Variants in ACOT7 observed in about 807,000 individuals in gnomAD.
The protein encoded by ACOT7 is acyl-CoA thioesterase 7.
In ACOT7, 12 loss-of-function variants were observed where a neutral mutation model predicts 40.2. That is an observed-to-expected ratio of 0.30 (90% CI 0.19 to 0.48). The LOEUF (loss-of-function observed/expected upper bound fraction) is 0.48, where lower values mean the gene tolerates loss of function less well. ACOT7 is among the 20% of genes least tolerant of loss of function. ACOT7 has a pLI of 0.99. For missense variants in ACOT7, 395 were observed against 530.8 expected, an observed-to-expected ratio of 0.74 and a Z score of 2.51; for synonymous variants, 228 against 219.5, an observed-to-expected ratio of 1.04 and a Z score of -0.34.
At chr1:6,312,695 T>G (rs1409979399) in intron 6 of ACOT7, among the ~76,000 whole-genome samples, 1 of 152,208 alleles carries the variant, frequency 6.6e-6, no homozygotes, top group African/African-American at 2.4e-5. Context: ...CTCAAACTCC[T>G]GACCTCAAGT....
intron 7 of ACOT7, among the ~76,000 whole-genome samples, chr1:6,285,350 A>G (rs1051114421): frequency 7.9e-5 from 12 of 152,286 alleles, no homozygotes; most frequent in Admixed American, 7.8e-4. Flanking sequence ...ACTTCCTTCC[A>G]GTCTCAACTT....
chr1:6,270,072 G>A (rs541912485), intron 8 of ACOT7, among the ~76,000 whole-genome samples: 5 of 152,226 alleles, frequency 3.3e-5, no homozygotes, highest in Non-Finnish European at 7.3e-5. Context: ...CGGGCTCACT[G>A]CTGGTGGGCA....
chr1:6,264,769 GGGGCCCTGCCCCCCACCCGT>G, intron 8 of ACOT7, 74 bp from the exon 9 acceptor site: 1 of 1,490,564 alleles, frequency 6.7e-7, no homozygotes, highest in Admixed American at 1.8e-5. Flanking sequence ...GACCTGGCCT[GGGGCCCTGCCCCCCACCCGT>G]GGGATCTGCC....
chr1:6,318,402 C>T (rs1640554105), intron 6 of ACOT7, 90 bp downstream of exon 6: 3 of 1,398,246 alleles, frequency 2.1e-6, no homozygotes, highest in Middle Eastern at 1.8e-4. Flanking sequence ...ACACAAGAGC[C>T]TCAAGTGTGT....
rs533072146 is a variant in ACOT7, at chr1:6,361,458, C to G, written c.144-11592G>C. Among the ~76,000 whole-genome samples the G allele has an allele frequency of 1.1e-4, 17 of 152,186 alleles. No homozygotes were observed. In the East Asian group the frequency reaches 2.9e-3, roughly 26 times the overall value. ...TAAGGTTCACGCAGAATTGTACAAT[C>G]AAAAAGGGTAGACTCAATAGAGTTA... is the stretch of plus-strand genomic sequence containing the variant. On this transcript the variant is annotated intron_variant, in intron 1 of 8. Coordinates refer to ENST00000361521, the MANE Select transcript of ACOT7 (RefSeq NM_007274.4).
At chr1:6,292,665 GT>G (rs150589690) in intron 7 of ACOT7, among the ~76,000 whole-genome samples, 75 of 140,096 alleles carry the variant, frequency 5.4e-4, no homozygotes, top group Admixed American at 2.6e-3. Context: ...TGGGGACTTT[GT>G]TTTTTTTTTG....
chr1:6,346,614 T>G (rs923766903), intron 2 of ACOT7, among the ~76,000 whole-genome samples: 1 of 152,120 alleles, frequency 6.6e-6, no homozygotes, highest in Non-Finnish European at 1.5e-5. Flanking sequence ...AAACAGGAGA[T>G]CTGGAGGGCT....
At chr1:6,285,950 C>T (rs1327071895) in intron 7 of ACOT7, among the ~76,000 whole-genome samples, 10 of 152,166 alleles carry the variant, frequency 6.6e-5, no homozygotes, top group Non-Finnish European at 1.5e-4. Context: ...TGGGACATTG[C>T]GGGGCCCATC....
At chr1:6,313,150 G>A (rs989991372) in intron 6 of ACOT7, among the ~76,000 whole-genome samples, 2 of 152,218 alleles carry the variant, frequency 1.3e-5, no homozygotes, top group African/African-American at 2.4e-5. Flanking sequence ...GGTGGTGTCT[G>A]GGGGACAGGG....
chr1:6,325,306 G>A (rs987459292), intron 5 of ACOT7, among the ~76,000 whole-genome samples: 2 of 151,952 alleles, frequency 1.3e-5, no homozygotes, highest in Admixed American at 6.5e-5. Flanking sequence ...GCTGAGGCAG[G>A]AGAATGGCGT....
At chr1:6,344,874 G>A (rs1219762883) in intron 2 of ACOT7, among the ~76,000 whole-genome samples, 1 of 152,042 alleles carries the variant, frequency 6.6e-6, no homozygotes, top group Non-Finnish European at 1.5e-5. Flanking sequence ...GAGACCCTGT[G>A]GGAGGATTTT....
At chr1:6,269,391 C>T (rs1638955378) in intron 8 of ACOT7, among the ~76,000 whole-genome samples, 1 of 152,214 alleles carries the variant, frequency 6.6e-6, no homozygotes, top group African/African-American at 2.4e-5. Context: ...CTGAGCTTGG[C>T]CTCCCCCAGG....
At chr1:6,305,558 G>A (rs1384736318) in intron 6 of ACOT7, among the ~76,000 whole-genome samples, 2 of 151,534 alleles carry the variant, frequency 1.3e-5, no homozygotes, top group East Asian at 2.0e-4. Flanking sequence ...CAGACGGGGC[G>A]GCCGGGCAGA....
At chr1:6,354,109 C>A (rs546029795) in intron 1 of ACOT7, among the ~76,000 whole-genome samples, 12 of 152,278 alleles carry the variant, frequency 7.9e-5, no homozygotes, top group African/African-American at 2.4e-4. Flanking sequence ...GTGCTGGGGC[C>A]CAAGGCTAAT....
At chr1:6,277,201 C>T (rs1307749996) in intron 8 of ACOT7, among the ~76,000 whole-genome samples, 1 of 152,234 alleles carries the variant, frequency 6.6e-6, no homozygotes, top group Non-Finnish European at 1.5e-5. Flanking sequence ...TCGCTGGCCC[C>T]TCGTGGTCAC....
rs1272541986 is a variant in ACOT7 at position 6,298,721 on chromosome 1, G to A, written c.713-3741C>T. 3.9e-5 allele frequency among the ~76,000 whole-genome samples: 6 copies of A among 152,290 alleles called. No individual in the cohort carries two copies. The East Asian group carries it at 9.7e-4, about 24-fold the overall frequency. On this transcript the variant is annotated intron_variant, in intron 6 of 8. Coordinates refer to ENST00000361521, the MANE Select transcript of ACOT7 (RefSeq NM_007274.4). ...GAAATAGAAGGTGCAGGTTGGCTAA[G>A]CCACCACCAGGCTCTCCTGGTCTCT...
chr1:6,285,266 G>A (rs1388672167), intron 7 of ACOT7, among the ~76,000 whole-genome samples: 1 of 152,188 alleles, frequency 6.6e-6, no homozygotes. Context: ...CTCCTGAAGT[G>A]GATGCTGAGC....
chr1:6,383,348 T>A lies in ACOT7; in HGVS notation c.143+9909A>T, dbSNP rs901497694. On this transcript the variant is annotated intron_variant, in intron 1 of 8. Transcript: ENST00000361521. The stretch of plus-strand genomic sequence containing the variant: ...GACTACAGGCGCCCACCATGACGCC[T>A]GGCTAATTTTTTGTATTTTTAGTAG... 4.0e-5 allele frequency among the ~76,000 whole-genome samples: 6 copies of A among 148,972 alleles called. 1 individual carries two copies. The highest frequency in any genetic ancestry group is 7.4e-5 in the African/African-American group (3 of 40,520).
chr1:6,311,932 T>C lies in ACOT7; in HGVS notation c.712+6560A>G, dbSNP rs1478909076. On this transcript the variant is annotated intron_variant, in intron 6 of 8. Coordinates refer to ENST00000361521, the MANE Select transcript of ACOT7 (RefSeq NM_007274.4). The surrounding 1 kb of genome is among the most constrained non-coding windows in gnomAD (Gnocchi z 5.2). ...TCTGGGTCACCTGTCGGGTGGGGTC[T>C]GGGTGTCTGTGGTTTTAAGAGTTCC... is the stretch of plus-strand genomic sequence containing the variant. Among the ~76,000 whole-genome samples the C allele has an allele frequency of 6.6e-6, 1 of 152,186 alleles. No individual in the cohort carries two copies. Among genetic ancestry groups the C allele is most frequent in the Non-Finnish European group, 1.5e-5 (1 of 68,026 alleles).
Sources: allele counts gnomAD v4.1 joint callset (sites outside exome capture counted in the v4.1 genomes callset), GRCh38; gene constraint gnomAD v4.1.1; non-coding constraint Gnocchi (gnomAD v3.1); transcripts MANE v1.5; gene names NCBI Gene and HGNC (gene_info 2026-07-23, HGNC 2026-07-21).